Variants in SLC25A42 observed in about 807,000 individuals in gnomAD.
The protein encoded by SLC25A42 is solute carrier family 25 member 42.
Under a neutral mutation model 34.7 loss-of-function variants are expected in SLC25A42, and 19 were observed. That is an observed-to-expected ratio of 0.55 (90% CI 0.38 to 0.80). The LOEUF (loss-of-function observed/expected upper bound fraction) is 0.80. Among genes scored for constraint, SLC25A42 ranks in the 30% least tolerant of loss-of-function variants. The pLI, the probability that SLC25A42 is intolerant of heterozygous loss-of-function variation, is 0.00. For missense variants in SLC25A42, 364 were observed against 441.3 expected, an observed-to-expected ratio of 0.82 and a Z score of 1.57; for synonymous variants, 205 against 191.2, an observed-to-expected ratio of 1.07 and a Z score of -0.59.
At chr19:19,103,219 G>C (rs1259124377) in intron 3 of SLC25A42, among the ~76,000 whole-genome samples, 1 of 151,950 alleles carries the variant, frequency 6.6e-6, no homozygotes, top group South Asian at 2.1e-4. Flanking sequence ...TTAGCCTCCC[G>C]AGTAGCTGGG....
intron 1 of SLC25A42, among the ~76,000 whole-genome samples, chr19:19,074,249 A>G (rs1435308403): frequency 6.6e-6 from 1 of 152,334 alleles, no homozygotes; most frequent in South Asian, 2.1e-4. Flanking sequence ...GATTGTCTGA[A>G]AGGCACACAG....
chr19:19,098,706 C>A (rs1203428203), intron 2 of SLC25A42, among the ~76,000 whole-genome samples: 1 of 152,132 alleles, frequency 6.6e-6, no homozygotes, highest in Non-Finnish European at 1.5e-5. Context: ...ATCACCTGAG[C>A]CTCAGGGGTT....
chr19:19,094,450 G>A (rs1273339238), intron 1 of SLC25A42, among the ~76,000 whole-genome samples: 3 of 151,366 alleles, frequency 2.0e-5, no homozygotes, highest in South Asian at 2.1e-4. Context: ...TGACCCCCTC[G>A]CCACACCCAT....
intron 1 of SLC25A42, 109 bp downstream of exon 1, chr19:19,064,224 A>ACTCCACGTCT (rs2059589347): frequency 7.4e-6 from 1 of 134,754 alleles, no homozygotes; most frequent in African/African-American, 2.8e-5. Context: ...CCAACCCCAC[A>ACTCCACGTCT]CTCCACGTCT....
chr19:19,107,793 C>T (rs946824474), intron 6 of SLC25A42, 101 bp from the exon 7 acceptor site: 1 of 1,242,448 alleles, frequency 8.0e-7, no homozygotes, highest in Non-Finnish European at 1.2e-6. Context: ...TCCAGACACA[C>T]CCAGGCCCAG....
At chr19:19,065,350 G>A (rs1293276285) in intron 1 of SLC25A42, among the ~76,000 whole-genome samples, 1 of 152,152 alleles carries the variant, frequency 6.6e-6, no homozygotes, top group African/African-American at 2.4e-5. Context: ...AAAGAGTAAG[G>A]AAACACTCTT....
rs575238644 is a variant in SLC25A42, at chr19:19,081,297, G to A, written c.-34-14794G>A. ...CACTGGACCCATAAGGAACCACAGG[G>A]ACCACCACTATGACCAGCCTGGCAG... On this transcript the variant is annotated intron_variant, in intron 1 of 7. Coordinates refer to ENST00000318596, the MANE Select transcript of SLC25A42 (RefSeq NM_178526.5). This position sits in a 1 kb window ranked among gnomAD's most constrained non-coding sequence, Gnocchi z 4.5. Among the ~76,000 whole-genome samples, 17 of 152,158 alleles carry A rather than the reference G, an allele frequency of 1.1e-4. No homozygotes were observed. The East Asian group carries it at 3.3e-3, about 29-fold the overall frequency.
At chr19:19,095,800 G>C (rs905979057) in intron 1 of SLC25A42, 13 of 424,334 alleles carry the variant, frequency 3.1e-5, no homozygotes, top group Non-Finnish European at 5.0e-5. Flanking sequence ...CCCACAACCC[G>C]CTGGTAGCTG....
intron 1 of SLC25A42, among the ~76,000 whole-genome samples, chr19:19,089,796 G>A (rs973094546): frequency 2.6e-5 from 4 of 151,722 alleles, no homozygotes; most frequent in African/African-American, 9.7e-5. Flanking sequence ...TTGAACCTGG[G>A]AGGCAGAGGT....
intron 3 of SLC25A42, among the ~76,000 whole-genome samples, chr19:19,103,396 G>C (rs1264832039): frequency 6.6e-6 from 1 of 152,028 alleles, no homozygotes; most frequent in East Asian, 1.9e-4. Context: ...CGCCCGGCCT[G>C]TTTTCTCTTC....
chr19:19,072,956 G>A (rs761006545), intron 1 of SLC25A42, among the ~76,000 whole-genome samples: 95 of 152,136 alleles, frequency 6.2e-4, no homozygotes, highest in Non-Finnish European at 1.1e-3. Flanking sequence ...CTCCTGCCTC[G>A]GCCTCCCAAA....
At chr19:19,083,379 T>C (rs2059690741) in intron 1 of SLC25A42, among the ~76,000 whole-genome samples, 1 of 152,232 alleles carries the variant, frequency 6.6e-6, no homozygotes, top group Admixed American at 6.5e-5. Flanking sequence ...AGATCACATA[T>C]TCATGGTGTC....
chr19:19,077,170 C>T (rs867249564), intron 1 of SLC25A42, among the ~76,000 whole-genome samples: 5 of 151,986 alleles, frequency 3.3e-5, no homozygotes, highest in Non-Finnish European at 5.9e-5. Flanking sequence ...GGTGGCAGAG[C>T]GAGAGACCCT....
In SLC25A42 at chr19:19,111,185, ACCT is replaced by A. The variant is rs1237284683; in HGVS notation, c.*313_*315del. On this transcript the variant is annotated 3_prime_UTR_variant, in exon 8 of 8. Coordinates refer to ENST00000318596, the MANE Select transcript of SLC25A42 (RefSeq NM_178526.5). The stretch of plus-strand genomic sequence containing the variant: ...GCCCTAGTGGGGCGTGGTCAGCTCC[ACCT>A]CCTGATCCTGTGTGTCCTCCGACAT... The A allele has an allele frequency of 6.8e-6, 3 of 441,352 alleles. No homozygotes were observed. The highest frequency in any genetic ancestry group is 6.2e-5 in the African/African-American group (3 of 48,420). 27.3% of individuals were successfully genotyped at this position (441,352 alleles called of 1,614,324 possible).
rs374828826 is a variant in SLC25A42 at position 19,096,217 on chromosome 19, G to A, written c.81+12G>A. 42 of 1,604,760 alleles carry A rather than the reference G, an allele frequency of 2.6e-5. No individual in the cohort carries two copies. The highest frequency in any genetic ancestry group is 1.0e-4 in the Admixed American group (6 of 59,840). ...CCGTCTCATCAAAGGCAAGTACCCC[G>A]GCCTCCTGGGATGGGTGTTCTCCTG... On this transcript the variant is annotated intron_variant, in intron 2 of 7. Coordinates refer to ENST00000318596, the MANE Select transcript of SLC25A42 (RefSeq NM_178526.5).
chr19:19,104,749 C>T (rs2059817033), intron 3 of SLC25A42, among the ~76,000 whole-genome samples, 164 bp from the exon 4 acceptor site: 1 of 152,140 alleles, frequency 6.6e-6, no homozygotes, highest in Non-Finnish European at 1.5e-5. Context: ...CAATGGAGAC[C>T]CTCACTATTC....
chr19:19,076,189 G>A (rs1237260322), intron 1 of SLC25A42, among the ~76,000 whole-genome samples: 1 of 152,172 alleles, frequency 6.6e-6, no homozygotes, highest in Admixed American at 6.5e-5. Flanking sequence ...TCGGCCAGGT[G>A]TAGTGGCTCA....
At chr19:19,108,551 G>A (rs1599693170) in intron 7 of SLC25A42, among the ~76,000 whole-genome samples, 8 of 146,592 alleles carry the variant, frequency 5.5e-5, no homozygotes, top group African/African-American at 5.0e-5. Flanking sequence ...CCTGTCTCAA[G>A]AAAAAAAAAA....
In SLC25A42 at chr19:19,111,031, C is replaced by T. The variant is rs536228743; in HGVS notation, c.*155C>T. ...GGCCTGAGGGGCCTGGGCTCAGAGT[C>T]CACGTCCAAACGCAAAGCTGGCAGC... On this transcript the variant is annotated 3_prime_UTR_variant, in exon 8 of 8. Coordinates refer to ENST00000318596, the MANE Select transcript of SLC25A42 (RefSeq NM_178526.5). The T allele has an allele frequency of 6.9e-4, 567 of 824,324 alleles. 2 individuals are homozygous for T. The Middle Eastern group carries it at 7.0e-3, about 10-fold the overall frequency. 51.1% of individuals were successfully genotyped at this position (824,324 alleles called of 1,614,324 possible). A position where few individuals can be genotyped will look rare whatever the true frequency, so the allele number is the denominator to read the frequency against.
Sources: gnomAD v4.1 joint callset for allele counts (sites outside exome capture counted in the v4.1 genomes callset) on GRCh38, gnomAD v4.1.1 for gene constraint, Gnocchi (gnomAD v3.1) non-coding constraint, MANE v1.5 for transcripts, NCBI Gene and HGNC (gene_info 2026-07-23, HGNC 2026-07-21) for gene names.